SAMD10: variants seen among roughly 807,000 people sequenced by gnomAD.
SAMD10 encodes sterile alpha motif domain containing 10, also known as sterile alpha motif domain-containing protein 10.
In SAMD10, 16 loss-of-function variants were observed where a neutral mutation model predicts 22.5. The ratio of observed to expected loss-of-function variants is 0.71; its 90% CI spans 0.48 to 1.08. The LOEUF (loss-of-function observed/expected upper bound fraction) is 1.08. Ranked by LOEUF, SAMD10 falls within the 50% of genes least tolerant of loss-of-function variation. The probability of loss-of-function intolerance (pLI) is 0.00; values close to 1 mark genes in which losing one functional copy is unlikely to be tolerated. For missense variants in SAMD10, 227 were observed against 281.3 expected (o/e 0.81, Z 1.38); for synonymous variants, 118 against 122.2 (o/e 0.97, Z 0.23).
rs1478138742 is a variant in SAMD10 at position 63,979,032 on chromosome 20, G to A, written c.91+345C>T. Among the ~76,000 whole-genome samples, 1 of 152,186 alleles carries A rather than the reference G, an allele frequency of 6.6e-6. No homozygotes were observed. Among genetic ancestry groups the A allele is most frequent in the African/African-American group, 2.4e-5 (1 of 41,460 alleles). ...GAAGGAAATGGGGCGGGGGCACCGA[G>A]GCGGGATGTGACCTCGGCCCCCTTT... On this transcript the variant is annotated intron_variant, in intron 1 of 4. Transcript: ENST00000369886. This position sits in a 1 kb window ranked among gnomAD's most constrained non-coding sequence, Gnocchi z 7.7.
chr20:63,977,188 G>C lies in SAMD10; in HGVS notation c.273+37C>G. 6.2e-7 allele frequency: 1 copy of C among 1,612,622 alleles called. No homozygotes were observed. The highest frequency in any genetic ancestry group is 8.5e-7 in the Non-Finnish European group (1 of 1,178,866). On this transcript the variant is annotated intron_variant, in intron 2 of 4. Coordinates refer to ENST00000369886, the MANE Select transcript of SAMD10 (RefSeq NM_080621.5). This position sits in a 1 kb window ranked among gnomAD's most constrained non-coding sequence, Gnocchi z 5.4. ...AGGCAGAGTGAGAGTGGTGGAGAAG[G>C]AGGGCAGGGACGGAGGTGGGTGGAG...
rs369003873 is a variant in SAMD10, at chr20:63,977,306, C to G, written c.192G>C (p.Thr64=). Residue 64 remains threonine, a synonymous_variant, in exon 2 of 5, where the codon ACG becomes ACC. Transcript: ENST00000369886. The surrounding 1 kb of genome is among the most constrained non-coding windows in gnomAD (Gnocchi z 5.4). ...CCCTCTGGCTGCGGGAGTCATGCCA[C>G]GTGAGGCTGGTGCCAGGTGTCCGAG... ...HLPRTPGTSL[T]WHDSRSQRAA... 4 of 1,613,354 alleles carry G rather than the reference C, an allele frequency of 2.5e-6. No homozygotes were observed. The highest frequency in any genetic ancestry group is 3.4e-6 in the Non-Finnish European group (4 of 1,180,028).
intron 3 of SAMD10, among the ~76,000 whole-genome samples, chr20:63,976,484 C>T (rs557219713): frequency 2.0e-5 from 3 of 151,052 alleles, no homozygotes; most frequent in South Asian, 2.1e-4. Context: ...CAGAGAGGTC[C>T]GGACGCAGTG....
At position 63,979,343 on chromosome 20, in the gene SAMD10, A is replaced by T; in HGVS notation, c.91+34T>A. On this transcript the variant is annotated intron_variant, in intron 1 of 4. Transcript: ENST00000369886. This position sits in a 1 kb window ranked among gnomAD's most constrained non-coding sequence, Gnocchi z 7.7. ...TCTGGGTCCCTGAGACCCCCGCCCG[A>T]GAAATCCCCGCTCCCCAATCCAGCC... 1 of 1,164,118 alleles carries T rather than the reference A, an allele frequency of 8.6e-7. No individual in the cohort carries two copies. The highest frequency in any genetic ancestry group is 1.1e-6 in the Non-Finnish European group (1 of 872,788). 72.1% of individuals were successfully genotyped at this position (1,164,118 alleles called of 1,614,324 possible). A position where few individuals can be genotyped will look rare whatever the true frequency, so the allele number is the denominator to read the frequency against.
rs2059033985 is a variant in SAMD10, at chr20:63,977,571, G to C, written c.92-165C>G. Among the ~76,000 whole-genome samples the C allele has an allele frequency of 6.6e-6, 1 of 152,206 alleles. No individual in the cohort carries two copies. Among genetic ancestry groups the C allele is most frequent in the South Asian group, 2.1e-4 (1 of 4,836 alleles). ...AGGCAGAAGGAAGTGTGCAGGACCT[G>C]TTTCGAGGACCTCACCCAGCACAAA... On this transcript the variant is annotated intron_variant, in intron 1 of 4. Transcript: ENST00000369886. This position sits in a 1 kb window ranked among gnomAD's most constrained non-coding sequence, Gnocchi z 5.4.
At position 63,977,371 on chromosome 20, in the gene SAMD10, C is replaced by G. The variant is rs2059032175; in HGVS notation, c.127G>C (p.Glu43Gln). 1 of 1,613,070 alleles carries G rather than the reference C, an allele frequency of 6.2e-7. No homozygotes were observed. The change falls in exon 2 of 5, where the codon GAG becomes CAG. Residue 43 changes from glutamate to glutamine, a missense_variant. Physicochemically the swap from Glu to Gln is conservative, Grantham distance 29 (BLOSUM62 2). Coordinates refer to ENST00000369886, the MANE Select transcript of SAMD10 (RefSeq NM_080621.5). The surrounding 1 kb of genome is among the most constrained non-coding windows in gnomAD (Gnocchi z 5.4). ...AHFSFCRTLL[E>Q]HTVSAESIPC... ...ATGCTCTCAGCTGACACCGTGTGCT[C>G]CAGGAGGGTCCGGCAGAAGCTGAAG...
At position 63,979,242 on chromosome 20, in the gene SAMD10, T is replaced by C. The variant is rs898800733; in HGVS notation, c.91+135A>G. The C allele has an allele frequency of 6.9e-6, 4 of 581,080 alleles. No individual in the cohort carries two copies. Among genetic ancestry groups the C allele is most frequent in the South Asian group, 2.4e-5 (1 of 41,368 alleles). The allele number at this position is 581,080 out of a possible 1,614,324, so 36.0% of individuals were successfully genotyped here. A position where few individuals can be genotyped will look rare whatever the true frequency, so the allele number is the denominator to read the frequency against. On this transcript the variant is annotated intron_variant, in intron 1 of 4. Coordinates refer to ENST00000369886, the MANE Select transcript of SAMD10 (RefSeq NM_080621.5). The surrounding 1 kb of genome is among the most constrained non-coding windows in gnomAD (Gnocchi z 7.7). ...GCAGGACAAAGGCTACGGGACCCCG[T>C]TGAGCCGAGACATCCGCCGAATACC...
Position 63,979,309 on chromosome 20 carries a change from C to T in SAMD10, c.91+68G>A. ...CGAAGCCCGCCGGGTCCCGCCCCGCCCCCGTGCCTCTGGGTCCCTGAGACC... is the reference window on the plus strand; with the variant it reads ...CGAAGCCCGCCGGGTCCCGCCCCGCTCCCGTGCCTCTGGGTCCCTGAGACC... On this transcript the variant is annotated intron_variant, in intron 1 of 4. Coordinates refer to ENST00000369886, the MANE Select transcript of SAMD10 (RefSeq NM_080621.5). The surrounding 1 kb of genome is among the most constrained non-coding windows in gnomAD (Gnocchi z 7.7). The T allele has an allele frequency of 2.5e-6, 3 of 1,201,716 alleles. No individual in the cohort carries two copies. Among genetic ancestry groups the T allele is most frequent in the Admixed American group, 3.4e-5 (1 of 29,248 alleles). 74.4% of individuals were successfully genotyped at this position (1,201,716 alleles called of 1,614,324 possible).
At position 63,979,492 on chromosome 20, in the gene SAMD10, G is replaced by T; in HGVS notation, c.-25C>A. 1 of 1,303,054 alleles carries T rather than the reference G, an allele frequency of 7.7e-7. No homozygotes were observed. The highest frequency in any genetic ancestry group is 3.3e-5 in the East Asian group (1 of 30,364). The allele number at this position is 1,303,054 out of a possible 1,614,324, so 80.7% of individuals were successfully genotyped here. On this transcript the variant is annotated 5_prime_UTR_variant, in exon 1 of 5. Transcript: ENST00000369886. The surrounding 1 kb of genome is among the most constrained non-coding windows in gnomAD (Gnocchi z 7.7). ...TGGGGCCCGCGGGTGCCAGGCCCGC[G>T]CACACGCCCCTCGCCGAGTGCAGGG...
chr20:63,975,429 G>T lies in SAMD10; in HGVS notation c.*81C>A, dbSNP rs573604503. ...CGGCATCCCGCAGGGTCCAAGAGGC[G>T]CTGCGGGGCCAGCTTGGCCTCCTCC... On this transcript the variant is annotated 3_prime_UTR_variant, in exon 5 of 5. Transcript: ENST00000369886. 9.6e-6 allele frequency: 15 copies of T among 1,567,884 alleles called. No homozygotes were observed. Among genetic ancestry groups the T allele is most frequent in the Non-Finnish European group, 1.3e-5 (15 of 1,141,414 alleles).
intron 3 of SAMD10, among the ~76,000 whole-genome samples, chr20:63,976,286 A>C (rs2059021755): frequency 6.6e-6 from 1 of 152,082 alleles, no homozygotes; most frequent in Non-Finnish European, 1.5e-5. Flanking sequence ...AGAGACTCGG[A>C]GAGAGGGAGG....
rs367935422 is a variant in SAMD10 at position 63,977,281 on chromosome 20, C to T, written c.217G>A (p.Ala73Thr). The T allele has an allele frequency of 1.2e-6, 2 of 1,613,410 alleles. No homozygotes were observed. The highest frequency in any genetic ancestry group is 1.7e-6 in the Non-Finnish European group (2 of 1,180,002). ...LTWHDSRSQR[A>T]ASSRPIKLLQ... ...AGCTTGATTGGCCTGCTGCTGGCCGCCCTCTGGCTGCGGGAGTCATGCCAC... is the reference window on the plus strand; with the variant it reads ...AGCTTGATTGGCCTGCTGCTGGCCGTCCTCTGGCTGCGGGAGTCATGCCAC... The change falls in exon 2 of 5, where the codon GCG (alanine) becomes ACG (threonine). Residue 73 changes from alanine (A) to threonine (T), a missense_variant. Coordinates refer to ENST00000369886, the MANE Select transcript of SAMD10 (RefSeq NM_080621.5). The surrounding 1 kb of genome is among the most constrained non-coding windows in gnomAD (Gnocchi z 5.4).
Position 63,977,979 on chromosome 20 carries a change from T to TGTGGGCCA in SAMD10, c.92-581_92-574dup, listed in dbSNP as rs1334954056. Among the ~76,000 whole-genome samples, 5 of 152,228 alleles carry TGTGGGCCA rather than the reference T, an allele frequency of 3.3e-5. No individual in the cohort carries two copies. The highest frequency in any genetic ancestry group is 1.2e-4 in the African/African-American group (5 of 41,460). ...ACTATGACTCATTGACAGCCTGAAC[T>TGTGGGCCA]GTGGGCCAACTGACAAGCAGGGCTC... On this transcript the variant is annotated intron_variant, in intron 1 of 4. Coordinates refer to ENST00000369886, the MANE Select transcript of SAMD10 (RefSeq NM_080621.5). The surrounding 1 kb of genome is among the most constrained non-coding windows in gnomAD (Gnocchi z 5.4).
At chr20:63,978,766 T>G (rs1353532714) in intron 1 of SAMD10, among the ~76,000 whole-genome samples, 2 of 152,196 alleles carry the variant, frequency 1.3e-5, no homozygotes, top group Non-Finnish European at 2.9e-5. Context: ...AAAGGCTTAT[T>G]CTAAGCCCGC....
In SAMD10 at chr20:63,977,775, C is replaced by T. The variant is rs952722430; in HGVS notation, c.92-369G>A. ...CCTTGCCTTGGGCTGGCCCACAAGTCTTGCACACACCACACCAGACCAGGA... is the reference window on the plus strand; with the variant it reads ...CCTTGCCTTGGGCTGGCCCACAAGTTTTGCACACACCACACCAGACCAGGA... On this transcript the variant is annotated intron_variant, in intron 1 of 4. Coordinates refer to ENST00000369886, the MANE Select transcript of SAMD10 (RefSeq NM_080621.5). This position sits in a 1 kb window ranked among gnomAD's most constrained non-coding sequence, Gnocchi z 5.4. Among the ~76,000 whole-genome samples the T allele has an allele frequency of 8.5e-5, 13 of 152,242 alleles. No homozygotes were observed. Among genetic ancestry groups the T allele is most frequent in the African/African-American group, 3.1e-4 (13 of 41,472 alleles).
At chr20:63,976,187 A>AAACAACAAAC (rs61481990) in intron 3 of SAMD10, among the ~76,000 whole-genome samples, 3 of 151,832 alleles carry the variant, frequency 2.0e-5, no homozygotes, top group South Asian at 4.2e-4. Flanking sequence ...ACAAACAAAC[A>AAACAACAAAC]AACAAACAAC....
chr20:63,975,479 G>C lies in SAMD10; in HGVS notation c.*31C>G. 6.2e-7 allele frequency: 1 copy of C among 1,612,498 alleles called. No individual in the cohort carries two copies. The highest frequency in any genetic ancestry group is 1.7e-5 in the Admixed American group (1 of 59,516). On this transcript the variant is annotated 3_prime_UTR_variant, in exon 5 of 5. Coordinates refer to ENST00000369886, the MANE Select transcript of SAMD10 (RefSeq NM_080621.5). ...CCTAGCCGTGGACTCCCATCACAGT[G>C]CTGGGGTCTGGGTTCAAGCCTCAGC...
At chr20:63,979,750 C>A (rs1421105468), upstream of SAMD10, 9 of 936,090 alleles carry the variant, frequency 9.6e-6, no homozygotes, top group Non-Finnish European at 1.1e-5. The surrounding 1 kb of genome is among the most constrained non-coding windows in gnomAD (Gnocchi z 7.7). Context: ...GGGCACGGCT[C>A]CGCGGAGGAG....
At chr20:63,978,821 C>G (rs968563517) in intron 1 of SAMD10, among the ~76,000 whole-genome samples, 1 of 152,238 alleles carries the variant, frequency 6.6e-6, no homozygotes, top group Admixed American at 6.5e-5. Context: ...TTTGCAGGGC[C>G]TCGAGCGGCG....
Sources: allele counts gnomAD v4.1 joint callset (sites outside exome capture counted in the v4.1 genomes callset), GRCh38; gene constraint gnomAD v4.1.1; non-coding constraint Gnocchi (gnomAD v3.1); transcripts MANE v1.5; gene names NCBI Gene and HGNC (gene_info 2026-07-23, HGNC 2026-07-21).